The following ZNF528 variants were observed in gnomAD, a reference collection of about 807,000 sequenced individuals.
ZNF528 encodes the protein zinc finger protein 528.
A neutral mutation model predicts 13.3 loss-of-function variants in ZNF528; 9 were observed. That is an observed-to-expected ratio of 0.67 (90% CI 0.41 to 1.18). The LOEUF (loss-of-function observed/expected upper bound fraction) is 1.18, where lower values mean the gene tolerates loss of function less well. Among genes scored for constraint, ZNF528 ranks in the 50% most tolerant of loss-of-function variants. The pLI is 0.01. For synonymous variants in ZNF528, 264 were observed against 254.3 expected, an observed-to-expected ratio of 1.04 and a Z score of -0.36; for missense variants, 858 against 745.4, an observed-to-expected ratio of 1.15 and a Z score of -1.76.
At chr19:52,411,277 T>A (rs1021693838) in intron 6 of ZNF528, 3 of 152,172 alleles carry the variant, frequency 2.0e-5, no homozygotes, top group Admixed American at 6.5e-5. Flanking sequence ...CTATGATTAA[T>A]AGAAGGCATA....
Position 52,415,590 on chromosome 19 carries a change from T to G in ZNF528, c.738T>G (p.Cys246Trp), listed in dbSNP as rs777980981. Reference sequence around the variant, plus strand: ...AGAAGCCTTACAAATGTCATGAATGTGGCAAGCTCTTCAGTAGCAATTCAA... The same window carrying G: ...AGAAGCCTTACAAATGTCATGAATGGGGCAAGCTCTTCAGTAGCAATTCAA... ...TGEKPYKCHECGKLFSSNSNL... is the reference protein window; with the variant it reads ...TGEKPYKCHEWGKLFSSNSNL... The change falls in exon 7 of 7, where the codon TGT becomes TGG. Residue 246 changes from cysteine to tryptophan, a missense_variant. Physicochemically the swap from Cys to Trp is radical, Grantham distance 215 (BLOSUM62 -2). Transcript: ENST00000360465. 3 of 1,614,202 alleles carry G rather than the reference T, an allele frequency of 1.9e-6. No homozygotes were observed. The highest frequency in any genetic ancestry group is 2.5e-6 in the Non-Finnish European group (3 of 1,180,034).
chr19:52,404,364 A>T (rs920806880), intron 4 of ZNF528, among the ~76,000 whole-genome samples: 1 of 151,820 alleles, frequency 6.6e-6, no homozygotes, highest in Admixed American at 6.6e-5. Context: ...AGTAGCTGGG[A>T]TTACAAGCGC....
At chr19:52,399,848 C>T (rs953340332) in intron 2 of ZNF528, among the ~76,000 whole-genome samples, 2 of 152,132 alleles carry the variant, frequency 1.3e-5, no homozygotes, top group Non-Finnish European at 2.9e-5. Context: ...TCAGACAGCA[C>T]CTGGGTGTTC....
At chr19:52,406,773 G>A (rs372912722) in intron 6 of ZNF528, 130 bp downstream of exon 6, 2 of 1,255,802 alleles carry the variant, frequency 1.6e-6, no homozygotes, top group South Asian at 2.1e-5. Context: ...CTGGACTTAA[G>A]GGATCTCCCT....
rs1287567780 is a variant in ZNF528 at position 52,417,041 on chromosome 19, ATGC to A, written c.*304_*306del. 5 of 339,030 alleles carry A rather than the reference ATGC, an allele frequency of 1.5e-5. No homozygotes were observed. The highest frequency in any genetic ancestry group is 2.7e-5 in the Non-Finnish European group (5 of 183,828). 21.0% of individuals were successfully genotyped at this position (339,030 alleles called of 1,614,324 possible). ...CTATGATATTGCATGATGCAGAATA[ATGC>A]TAAGTCAAAATATGTTGAATCTCAT... On this transcript the variant is annotated 3_prime_UTR_variant, in exon 7 of 7. Coordinates refer to ENST00000360465, the MANE Select transcript of ZNF528 (RefSeq NM_032423.3).
intron 4 of ZNF528, among the ~76,000 whole-genome samples, chr19:52,404,107 T>A (rs553748231): frequency 1.3e-3 from 199 of 152,314 alleles, no homozygotes; most frequent in African/African-American, 4.6e-3. Flanking sequence ...GATTCTAATG[T>A]CCAGACACCT....
At chr19:52,399,250 G>A (rs2122496189) in intron 2 of ZNF528, among the ~76,000 whole-genome samples, 1 of 152,328 alleles carries the variant, frequency 6.6e-6, no homozygotes, top group South Asian at 2.1e-4. Flanking sequence ...TTACAGATGA[G>A]TGGTGAGTTG....
At position 52,414,897 on chromosome 19, in the gene ZNF528, A is replaced by G. The variant is rs770340346; in HGVS notation, c.272-227A>G. 13 of 1,451,958 alleles carry G rather than the reference A, an allele frequency of 9.0e-6. No homozygotes were observed. In the South Asian group the frequency reaches 1.5e-4, roughly 16 times the overall value. 89.9% of individuals were successfully genotyped at this position (1,451,958 alleles called of 1,614,324 possible). On this transcript the variant is annotated intron_variant, in intron 6 of 6. Transcript: ENST00000360465. ...GTCTCTGTTGTATTTCTCTGCTCAT[A>G]GTCTGTTTCAGATTTACCCATAATT...
At position 52,415,982 on chromosome 19, in the gene ZNF528, G is replaced by C. The variant is rs1449585419; in HGVS notation, c.1130G>C (p.Gly377Ala). Residue 377 changes from glycine (G) to alanine (A), a missense_variant, in exon 7 of 7, where the codon GGA becomes GCA. Gly to Ala is a moderately conservative substitution (Grantham distance 60). Transcript: ENST00000360465. ...ATAACCCATCAGTTAATTCACACTG[G>C]AAGGAAACCTTACAAATGTAAAGAA... ...SLITHQLIHT[G>A]RKPYKCKECD... 9.9e-6 allele frequency: 16 copies of C among 1,614,092 alleles called. No homozygotes were observed. The highest frequency in any genetic ancestry group is 1.4e-5 in the Non-Finnish European group (16 of 1,180,000).
At position 52,415,762 on chromosome 19, in the gene ZNF528, A is replaced by G. The variant is rs777522926; in HGVS notation, c.910A>G (p.Lys304Glu). Reference sequence around the variant, plus strand: ...GCCTTACAAATGTCATGAATGTGACAAGGTCTTCAATCAAATTGCACACCT... The same window carrying G: ...GCCTTACAAATGTCATGAATGTGACGAGGTCTTCAATCAAATTGCACACCT... ...EKPYKCHECD[K>E]VFNQIAHLVR... The change falls in exon 7 of 7, where the codon AAG (lysine) becomes GAG (glutamate). Residue 304 changes from lysine to glutamate, a missense_variant. Coordinates refer to ENST00000360465, the MANE Select transcript of ZNF528 (RefSeq NM_032423.3). The G allele has an allele frequency of 1.1e-5, 17 of 1,614,074 alleles. No homozygotes were observed. Among genetic ancestry groups the G allele is most frequent in the Non-Finnish European group, 1.4e-5 (16 of 1,180,054 alleles).
rs2058799535 is a variant in ZNF528 at position 52,401,927 on chromosome 19, A to G, written c.-67-20A>G. The stretch of plus-strand genomic sequence containing the variant: ...GGTATGTTGATTCTAAGCCCTAAGC[A>G]GCATATTTTTGACATTCAGGATTCA... On this transcript the variant is annotated intron_variant, in intron 3 of 6. Transcript: ENST00000360465. 5 of 1,610,356 alleles carry G rather than the reference A, an allele frequency of 3.1e-6. No homozygotes were observed. In the Admixed American group the frequency reaches 6.7e-5, roughly 22 times the overall value.
Position 52,415,385 on chromosome 19 carries a change from A to G in ZNF528, c.533A>G (p.Lys178Arg). 1 of 1,614,110 alleles carries G rather than the reference A, an allele frequency of 6.2e-7. No homozygotes were observed. Among genetic ancestry groups the G allele is most frequent in the Non-Finnish European group, 8.5e-7 (1 of 1,180,026 alleles). Residue 178 changes from lysine to arginine, a missense_variant, in exon 7 of 7, where the codon AAA (lysine) becomes AGA (arginine). By Grantham distance (26) the Lys-to-Arg change is conservative. Coordinates refer to ENST00000360465, the MANE Select transcript of ZNF528 (RefSeq NM_032423.3). ...GCTCCATTACTTCCACAAGAACAGA[A>G]AGCACACATTAGGGAAAAAGCTTAT... ...DHAPLLPQEQ[K>R]AHIREKAYKC...
rs150138115 is a variant in ZNF528 at position 52,399,776 on chromosome 19, T to TG, written c.-137+1158dup. Reference sequence around the variant, plus strand: ...ACAATAAAGAGCGCTCAACACAGAATGCCTCATCTCTGGTCACCAAAGTAA... The same window carrying TG: ...ACAATAAAGAGCGCTCAACACAGAATGGCCTCATCTCTGGTCACCAAAGTAA... On this transcript the variant is annotated intron_variant, in intron 2 of 6. Transcript: ENST00000360465. Among the ~76,000 whole-genome samples, 251 of 152,242 alleles carry TG rather than the reference T, an allele frequency of 1.6e-3. 1 individual carries two copies. The highest frequency in any genetic ancestry group is 5.9e-3 in the African/African-American group (244 of 41,538).
chr19:52,415,690 A>G lies in ZNF528; in HGVS notation c.838A>G (p.Ser280Gly). The change falls in exon 7 of 7, where the codon AGC (serine) becomes GGC (glycine). Residue 280 changes from serine to glycine, a missense_variant. Physicochemically the swap from Ser to Gly is moderately conservative, Grantham distance 56. Transcript: ENST00000360465. ...KCHECDKVFR[S>G]SSKLAQHQRI... ...TCATGAATGTGACAAGGTCTTTCGA[A>G]GCAGTTCAAAGCTTGCACAACATCA... 1 of 1,613,618 alleles carries G rather than the reference A, an allele frequency of 6.2e-7. No homozygotes were observed. The highest frequency in any genetic ancestry group is 1.1e-5 in the South Asian group (1 of 91,014).
In ZNF528 at chr19:52,415,169, A is replaced by C. The variant is rs1275367936; in HGVS notation, c.317A>C (p.Lys106Thr). 1.9e-6 allele frequency: 3 copies of C among 1,610,396 alleles called. No individual in the cohort carries two copies. The highest frequency in any genetic ancestry group is 2.5e-6 in the Non-Finnish European group (3 of 1,178,304). The change falls in exon 7 of 7, where the codon AAA (lysine) becomes ACA (threonine). Residue 106 changes from lysine to threonine, a missense_variant. Coordinates refer to ENST00000360465, the MANE Select transcript of ZNF528 (RefSeq NM_032423.3). ...LGSNAGNKPC[K>T]NQLGFTFQLH... ...AGTAATGCAGGAAACAAGCCTTGTA[A>C]AAATCAACTTGGATTCACTTTTCAG...
chr19:52,416,491 A>G lies in ZNF528; in HGVS notation c.1639A>G (p.Arg547Gly), dbSNP rs1398698692. 3 of 1,614,098 alleles carry G rather than the reference A, an allele frequency of 1.9e-6. No individual in the cohort carries two copies. Among genetic ancestry groups the G allele is most frequent in the African/African-American group, 2.7e-5 (2 of 74,940 alleles). ...ACATCAAATAATTCATACTGGAGAG[A>G]GGCCTTACAGATGTAGTAAATGTGG... ...TRHQIIHTGE[R>G]PYRCSKCGKA... Residue 547 changes from arginine to glycine, a missense_variant, in exon 7 of 7, where the codon AGG becomes GGG. Arg to Gly is a moderately radical substitution (Grantham distance 125, BLOSUM62 -2). Coordinates refer to ENST00000360465, the MANE Select transcript of ZNF528 (RefSeq NM_032423.3).
chr19:52,404,763 A>T (rs1213493975), intron 4 of ZNF528, among the ~76,000 whole-genome samples: 1 of 150,242 alleles, frequency 6.7e-6, no homozygotes, highest in Non-Finnish European at 1.5e-5. Context: ...CACCTGGCTA[A>T]TTTTTTTCTA....
Position 52,402,026 on chromosome 19 carries a change from CAGGTA to C in ZNF528, c.15+5_15+9del. The C allele has an allele frequency of 6.2e-7, 1 of 1,614,146 alleles. No individual in the cohort carries two copies. On this transcript the variant is annotated splice_donor_variant and splice_donor_region_variant and coding_sequence_variant and intron_variant, in exon 4 of 7. Coordinates refer to ENST00000360465, the MANE Select transcript of ZNF528 (RefSeq NM_032423.3). LOFTEE classifies it high-confidence loss of function. ...AAAGAAGTCAGGAATGGCCCTTACT[CAGGTA>C]AGGTAATGTTCTCAGTGGATTGTTC... is the stretch of plus-strand genomic sequence containing the variant.
chr19:52,408,955 T>C (rs1431272660), intron 6 of ZNF528, among the ~76,000 whole-genome samples: 2 of 152,216 alleles, frequency 1.3e-5, no homozygotes, highest in Admixed American at 1.3e-4. Flanking sequence ...GCATTTCTTC[T>C]TGGACAGGTC....
Sources: allele counts gnomAD v4.1 joint callset (sites outside exome capture counted in the v4.1 genomes callset), GRCh38; gene constraint gnomAD v4.1.1; transcripts MANE v1.5; gene names NCBI Gene and HGNC (gene_info 2026-07-23, HGNC 2026-07-21).